Variants in REV3L observed in about 807,000 individuals in gnomAD.
The protein encoded by REV3L is DNA polymerase zeta catalytic subunit.
REV3L carries 69 observed loss-of-function variants against 299.4 expected under a neutral mutation model. The ratio of observed to expected loss-of-function variants is 0.23; its 90% CI spans 0.19 to 0.28. REV3L has a LOEUF of 0.28. Ranked by LOEUF, REV3L falls within the 10% of genes least tolerant of loss-of-function variation. The pLI is 1.00. For missense variants in REV3L, 3,128 were observed against 3,693.8 expected (o/e 0.85, Z 3.97); for synonymous variants, 1,238 against 1,271.4 (o/e 0.97, Z 0.56).
chr6:111,431,402 C>A, intron 1 of REV3L: 2 of 981,992 alleles, frequency 2.0e-6, no homozygotes, highest in Non-Finnish European at 3.3e-6. Flanking sequence ...CAGTAACAAA[C>A]TTTGGCGTTC....
At chr6:111,331,081 T>C in intron 24 of REV3L, 1 of 914,826 alleles carries the variant, frequency 1.1e-6, no homozygotes, top group Non-Finnish European at 1.3e-6. Flanking sequence ...AAGAAAGGAA[T>C]AAAGTTGGCA....
At chr6:111,406,209 T>G (rs1484049226) in intron 3 of REV3L, among the ~76,000 whole-genome samples, 1 of 152,122 alleles carries the variant, frequency 6.6e-6, no homozygotes, top group African/African-American at 2.4e-5. Context: ...GACTAAATGA[T>G]GAACTAGAGG....
At chr6:111,412,508 T>C (rs1562272323) in intron 2 of REV3L, among the ~76,000 whole-genome samples, 1 of 152,108 alleles carries the variant, frequency 6.6e-6, no homozygotes, top group East Asian at 1.9e-4. Flanking sequence ...GGCTTTGTAT[T>C]GGCTGAAAAG....
intron 1 of REV3L, among the ~76,000 whole-genome samples, chr6:111,425,296 A>G (rs1290565498): frequency 6.6e-6 from 1 of 151,628 alleles, no homozygotes; most frequent in Non-Finnish European, 1.5e-5. Flanking sequence ...CTCTACTAAA[A>G]ATACAAAAAA....
chr6:111,338,311 C>CTTT lies in REV3L; in HGVS notation c.7539-2702_7539-2701insAAA, dbSNP rs1776115188. On this transcript the variant is annotated intron_variant, in intron 21 of 31. Transcript: ENST00000368802. ...TTCTTTGTTTACTCCAGTCTAAAGT[C>CTTT]CTTTTTTTTTTTTTTTTTTTTTTTT... is the stretch of plus-strand genomic sequence containing the variant. Among the ~76,000 whole-genome samples, 37 of 49,050 alleles carry CTTT rather than the reference C, an allele frequency of 7.5e-4. 2 individuals carry two copies. Among genetic ancestry groups the CTTT allele is most frequent in the South Asian group, 1.7e-3 (3 of 1,762 alleles). The allele number at this position is 49,050 out of a possible 152,430, so 32.2% of individuals were successfully genotyped here.
chr6:111,370,675 C>G (rs1161611685), intron 13 of REV3L, among the ~76,000 whole-genome samples: 1 of 152,062 alleles, frequency 6.6e-6, no homozygotes, highest in Non-Finnish European at 1.5e-5. Flanking sequence ...CTGGCATTCA[C>G]TGTCGTGTTT....
At chr6:111,380,261 T>C (rs761706737) in intron 10 of REV3L, 42 bp from the exon 11 acceptor site, 10 of 1,288,088 alleles carry the variant, frequency 7.8e-6, no homozygotes, top group Admixed American at 4.2e-5. Flanking sequence ...TAAGTTTTCT[T>C]TTTTTTTTTT....
chr6:111,455,059 C>G (rs1043197009), intron 1 of REV3L, among the ~76,000 whole-genome samples: 2 of 152,172 alleles, frequency 1.3e-5, no homozygotes, highest in African/African-American at 2.4e-5. Context: ...AACGCACACT[C>G]TAAGAGGCAA....
At chr6:111,464,854 T>C (rs1791234882) in intron 1 of REV3L, among the ~76,000 whole-genome samples, 2 of 151,754 alleles carry the variant, frequency 1.3e-5, no homozygotes, top group African/African-American at 4.8e-5. Context: ...TACAAAAAAC[T>C]AGCTGGACAT....
intron 21 of REV3L, among the ~76,000 whole-genome samples, chr6:111,340,276 AT>A (rs1776352548): frequency 6.6e-6 from 1 of 152,196 alleles, no homozygotes; most frequent in African/African-American, 2.4e-5. Flanking sequence ...CTGGAATAGT[AT>A]TTAATAACTA....
chr6:111,340,666 G>A (rs564441925), intron 21 of REV3L, among the ~76,000 whole-genome samples: 1 of 152,090 alleles, frequency 6.6e-6, no homozygotes, highest in South Asian at 2.1e-4. Flanking sequence ...TACCAAAAAA[G>A]TAAGTCAGAC....
upstream of REV3L, chr6:111,483,311 G>C: frequency 2.1e-6 from 1 of 487,786 alleles, no homozygotes; most frequent in East Asian, 3.5e-5. Context: ...GGGAAAAGGA[G>C]CGAGAGGGCG....
chr6:111,438,472 A>G (rs961192891), intron 1 of REV3L, among the ~76,000 whole-genome samples: 2 of 151,202 alleles, frequency 1.3e-5, no homozygotes, highest in African/African-American at 2.4e-5. Context: ...GCACCAGTGT[A>G]CCTGGCTTTA....
chr6:111,466,692 A>G (rs1278630986), intron 1 of REV3L, among the ~76,000 whole-genome samples: 2 of 152,018 alleles, frequency 1.3e-5, no homozygotes, highest in African/African-American at 4.8e-5. Context: ...CAAAAATTAG[A>G]CAGGTATGGT....
rs1793990699 is a variant in REV3L at position 111,483,218 on chromosome 6, C to A, written c.-330G>T. 3 of 476,714 alleles carry A rather than the reference C, an allele frequency of 6.3e-6. No individual in the cohort carries two copies. Among genetic ancestry groups the A allele is most frequent in the Admixed American group, 4.4e-5 (1 of 22,976 alleles). The allele number at this position is 476,714 out of a possible 1,614,324, so 29.5% of individuals were successfully genotyped here. On this transcript the variant is annotated 5_prime_UTR_variant, in exon 1 of 32. Coordinates refer to ENST00000368802, the MANE Select transcript of REV3L (RefSeq NM_001372078.1). ...TCTTGTTGCCATGATGATGATGTCA[C>A]GGACGCAACCACTGGGGGGAGGGGA...
At chr6:111,337,857 C>T (rs554996006) in intron 21 of REV3L, among the ~76,000 whole-genome samples, 8 of 152,188 alleles carry the variant, frequency 5.3e-5, no homozygotes, top group African/African-American at 1.7e-4. Context: ...GATTTAATGG[C>T]TCACCACTCC....
rs1779318783 is a variant in REV3L, at chr6:111,367,228, G to A, written c.6560C>T (p.Thr2187Ile). ...TTCACATTTCCCAGTTCTTGCCCTA[G>A]TATTAATTGGAGATATCACTAGAGG... ...QEPLVISPIN[T>I]RARTGKCESL... Residue 2187 changes from threonine to isoleucine, a missense_variant, in exon 14 of 32, where the codon ACT (threonine) becomes ATT (isoleucine). Transcript: ENST00000368802. 6.2e-7 allele frequency: 1 copy of A among 1,614,054 alleles called. No individual in the cohort carries two copies.
At chr6:111,332,777 A>G (rs1003500563) in intron 23 of REV3L, among the ~76,000 whole-genome samples, 1 of 152,250 alleles carries the variant, frequency 6.6e-6, no homozygotes, top group African/African-American at 2.4e-5. Flanking sequence ...GTCTAGTTGA[A>G]GTTATAAGAT....
intron 1 of REV3L, among the ~76,000 whole-genome samples, chr6:111,427,471 A>G (rs1160693811): frequency 6.6e-6 from 1 of 152,228 alleles, no homozygotes; most frequent in Non-Finnish European, 1.5e-5. Context: ...ACTCACTGCC[A>G]CAGGAAACCA....
Sources: gnomAD v4.1 joint callset for allele counts (sites outside exome capture counted in the v4.1 genomes callset) on GRCh38, gnomAD v4.1.1 for gene constraint, MANE v1.5 for transcripts, NCBI Gene and HGNC (gene_info 2026-07-23, HGNC 2026-07-21) for gene names.